The following KIF1C variants were observed in gnomAD, a reference collection of about 807,000 sequenced individuals.
KIF1C encodes the protein kinesin-like protein KIF1C.
KIF1C carries 61 observed loss-of-function variants against 126.5 expected under a neutral mutation model. That is an observed-to-expected ratio of 0.48 (90% confidence interval 0.39 to 0.60). The LOEUF (loss-of-function observed/expected upper bound fraction) is 0.60, where lower values mean the gene tolerates loss of function less well. Among genes scored for constraint, KIF1C ranks in the 20% least tolerant of loss-of-function variants. The probability of loss-of-function intolerance (pLI) is 0.00; values close to 1 mark genes in which losing one functional copy is unlikely to be tolerated. For synonymous variants in KIF1C, 640 were observed against 580.6 expected (o/e 1.10, Z -1.47); for missense variants, 1,315 against 1,489.2 (o/e 0.88, Z 1.93).
rs755485274 is a variant in KIF1C at position 5,002,811 on chromosome 17, A to G, written c.689A>G (p.His230Arg). 3 of 1,612,720 alleles carry G rather than the reference A, an allele frequency of 1.9e-6. No individual in the cohort carries two copies. The highest frequency in any genetic ancestry group is 2.2e-5 in the East Asian group (1 of 44,788). Residue 230 changes from histidine to arginine, a missense_variant, in exon 8 of 23, where the codon CAT becomes CGT. This residue lies in a region of KIF1C where 874 missense variants were observed against 1,053.2 expected (regional missense o/e 0.83). Transcript: ENST00000320785. ...VFTIVFTQRC[H>R]DQLTGLDSEK... is the part of the protein sequence containing the mutation. Reference sequence around the variant, plus strand: ...ACCATCGTCTTCACACAGCGCTGCCATGACCAGCTCACGGGGCTGGACTCG... The same window carrying G: ...ACCATCGTCTTCACACAGCGCTGCCGTGACCAGCTCACGGGGCTGGACTCG...
chr17:5,004,010 C>G lies in KIF1C; in HGVS notation c.877C>G (p.Arg293Gly). Reference protein sequence around the residue: ...SALADMQSKKRKSDFIPYRDS... With the variant: ...SALADMQSKKGKSDFIPYRDS... The stretch of plus-strand genomic sequence containing the variant: ...TTTTATCCCCCAGCAATCAAAGAAG[C>G]GAAAGTCGGATTTTATCCCCTACAG... The change falls in exon 11 of 23, where the codon CGA (arginine) becomes GGA (glycine). Residue 293 changes from arginine to glycine, a missense_variant. By Grantham distance (125) the Arg-to-Gly change is moderately radical. Around this residue, in one of 2 missense-constraint regions of KIF1C, gnomAD observed 874 missense variants for 1,053.2 expected, o/e 0.83. Transcript: ENST00000320785. 6.2e-7 allele frequency: 1 copy of G among 1,613,904 alleles called. No individual in the cohort carries two copies. The highest frequency in any genetic ancestry group is 8.5e-7 in the Non-Finnish European group (1 of 1,179,886).
At position 5,007,352 on chromosome 17, in the gene KIF1C, C is replaced by T. The variant is rs1331444344; in HGVS notation, c.1415+10C>T. 1 of 1,613,198 alleles carries T rather than the reference C, an allele frequency of 6.2e-7. No individual in the cohort carries two copies. ...CCCTGAGGATGGAGAGGTGTGAGGG[C>T]CGACAGTTGGGGTCCTGGGTGGAGT... On this transcript the variant is annotated intron_variant, in intron 15 of 22. Coordinates refer to ENST00000320785, the MANE Select transcript of KIF1C (RefSeq NM_006612.6).
Position 5,001,348 on chromosome 17 carries a change from TC to T in KIF1C, c.312del (p.Tyr105IlefsTer3), listed in dbSNP as rs1212381323. On this transcript the variant is annotated frameshift_variant, in exon 5 of 23. Transcript: ENST00000320785. LOFTEE classifies it high-confidence loss of function. ...CTATGGGCAGACCGGGGCTGGGAAA[TC>T]CTATACCATGATGGGGCGACAGGAG... ...FAYGQTGAGK[S>X]YTMMGRQEPG... is the part of the protein sequence containing the mutation. The T allele has an allele frequency of 6.2e-7, 1 of 1,613,980 alleles. No individual in the cohort carries two copies.
Position 5,000,202 on chromosome 17 carries a change from C to G in KIF1C, c.-27-18C>G. 7.0e-7 allele frequency: 1 copy of G among 1,419,670 alleles called. No homozygotes were observed. The highest frequency in any genetic ancestry group is 9.7e-7 in the Non-Finnish European group (1 of 1,026,982). The allele number at this position is 1,419,670 out of a possible 1,614,324, so 87.9% of individuals were successfully genotyped here. A position where few individuals can be genotyped will look rare whatever the true frequency, so the allele number is the denominator to read the frequency against. ...CTGCAGTGGTTCTGACCCCACCACT[C>G]CTTTCTCTGTCCTCCAGCTGAGGAG... On this transcript the variant is annotated intron_variant, in intron 2 of 22. Coordinates refer to ENST00000320785, the MANE Select transcript of KIF1C (RefSeq NM_006612.6).
intron 13 of KIF1C, 135 bp from the exon 14 acceptor site, chr17:5,006,780 C>A: frequency 1.1e-6 from 1 of 876,420 alleles, no homozygotes; most frequent in Non-Finnish European, 1.8e-6. Context: ...GGGCTCCTTG[C>A]CTGGTAGGAG....
intron 2 of KIF1C, 30 bp from the exon 3 acceptor site, chr17:5,000,190 G>T: frequency 1.5e-6 from 2 of 1,320,406 alleles, no homozygotes; most frequent in South Asian, 2.5e-5. Flanking sequence ...CAGTGGTTCT[G>T]ACCCCACCAC....
chr17:5,007,219 C>T (rs369879838), intron 14 of KIF1C, 44 bp from the exon 15 acceptor site: 17 of 1,577,872 alleles, frequency 1.1e-5, no homozygotes, highest in Non-Finnish European at 1.4e-5. Context: ...CCTGGGTCTG[C>T]TTGTCCCAGA....
chr17:5,014,751 A>G lies in KIF1C; in HGVS notation c.1580A>G (p.Gln527Arg), dbSNP rs769279948. Reference protein sequence around the residue: ...HIKDGVTRVGQVDMDIKLTGQ... With the variant: ...HIKDGVTRVGRVDMDIKLTGQ... ...GGCCATTGCTTCCCCAGGGTCGGCC[A>G]AGTAGATATGGACATCAAGCTGACC... Residue 527 changes from glutamine (Q) to arginine (R), a missense_variant, in exon 18 of 23, where the codon CAA (glutamine) becomes CGA (arginine). This residue lies in a region of KIF1C where 874 missense variants were observed against 1,053.2 expected (regional missense o/e 0.83). Transcript: ENST00000320785. 5.0e-6 allele frequency: 8 copies of G among 1,593,016 alleles called. No individual in the cohort carries two copies. Among genetic ancestry groups the G allele is most frequent in the Non-Finnish European group, 6.0e-6 (7 of 1,170,108 alleles).
chr17:5,006,644 G>A (rs769487201), intron 13 of KIF1C, among the ~76,000 whole-genome samples: 3 of 152,126 alleles, frequency 2.0e-5, no homozygotes, highest in African/African-American at 4.8e-5. Flanking sequence ...CCCCACCTAA[G>A]AATTTTCTGA....
chr17:4,999,202 C>A (rs899830707), intron 1 of KIF1C, among the ~76,000 whole-genome samples: 5 of 152,210 alleles, frequency 3.3e-5, no homozygotes, highest in African/African-American at 1.2e-4. Context: ...CTGTGGATCC[C>A]AGTCCTGGGC....
rs2143379537 is a variant in KIF1C at position 5,020,350 on chromosome 17, A to G, written c.1751-142A>G. The G allele has an allele frequency of 1.1e-6, 1 of 893,672 alleles. No individual in the cohort carries two copies. The highest frequency in any genetic ancestry group is 2.6e-5 in the East Asian group (1 of 37,754). The allele number at this position is 893,672 out of a possible 1,614,324, so 55.4% of individuals were successfully genotyped here. ...GTCCCTGGGTGTCAGCCAGGGGAGC[A>G]TAGGCTCCAACTGCCTTCAGACTTG... is the stretch of plus-strand genomic sequence containing the variant. On this transcript the variant is annotated intron_variant, in intron 19 of 22. Coordinates refer to ENST00000320785, the MANE Select transcript of KIF1C (RefSeq NM_006612.6). The surrounding 1 kb of genome is among the most constrained non-coding windows in gnomAD (Gnocchi z 5.8).
At chr17:5,018,511 G>A (rs1975026052) in intron 18 of KIF1C, among the ~76,000 whole-genome samples, 1 of 151,802 alleles carries the variant, frequency 6.6e-6, no homozygotes, top group Admixed American at 6.6e-5. Context: ...CCAACATGGA[G>A]AAACCCCGTC....
At chr17:5,021,135 A>G (rs1422879283) in intron 21 of KIF1C, among the ~76,000 whole-genome samples, 4 of 150,724 alleles carry the variant, frequency 2.7e-5, no homozygotes, top group Non-Finnish European at 5.9e-5. Flanking sequence ...CACCATATCC[A>G]AGTACCACCT....
chr17:4,998,862 C>T (rs180875246), intron 1 of KIF1C, among the ~76,000 whole-genome samples: 128 of 152,322 alleles, frequency 8.4e-4, no homozygotes, highest in Non-Finnish European at 1.4e-3. Flanking sequence ...GCGTGGGCTG[C>T]TCAGCCTCTC....
intron 21 of KIF1C, among the ~76,000 whole-genome samples, chr17:5,021,262 T>C (rs1430576866): frequency 3.8e-5 from 5 of 132,900 alleles, no homozygotes; most frequent in African/African-American, 1.4e-4. Context: ...AGCCTCCGCC[T>C]CCTGGGTTCA....
intron 5 of KIF1C, 21 bp downstream of exon 5, chr17:5,001,422 G>T: frequency 1.2e-6 from 2 of 1,610,032 alleles, no homozygotes; most frequent in Non-Finnish European, 1.7e-6. Context: ...GACCTGGTGG[G>T]GCAGCCAGGG....
intron 21 of KIF1C, among the ~76,000 whole-genome samples, chr17:5,021,168 G>GTT: frequency 8.9e-6 from 1 of 112,556 alleles, no homozygotes; most frequent in Non-Finnish European, 1.9e-5. Flanking sequence ...AGATTGTTGT[G>GTT]GTTTTTTTTT....
At chr17:5,002,967 A>AC in intron 8 of KIF1C, 125 bp downstream of exon 8, 1 of 694,748 alleles carries the variant, frequency 1.4e-6, no homozygotes, top group Non-Finnish European at 2.5e-6. Flanking sequence ...CCTCAGGACT[A>AC]CCATGACCGC....
intron 8 of KIF1C, among the ~76,000 whole-genome samples, chr17:5,003,270 C>T (rs1974647350): frequency 6.6e-6 from 1 of 152,134 alleles, no homozygotes; most frequent in Admixed American, 6.5e-5. Context: ...TGGTCTTGAA[C>T]TCCTGACCTC....
Sources: allele counts gnomAD v4.1 joint callset (sites outside exome capture counted in the v4.1 genomes callset), GRCh38; gene constraint gnomAD v4.1.1; regional missense constraint gnomAD v4.1.1; non-coding constraint Gnocchi (gnomAD v3.1); transcripts MANE v1.5; gene names NCBI Gene and HGNC (gene_info 2026-07-23, HGNC 2026-07-21).